The following MACROD2 variants were observed in gnomAD, a reference collection of about 807,000 sequenced individuals.
The protein encoded by MACROD2 is ADP-ribose glycohydrolase MACROD2.
MACROD2 carries 36 observed loss-of-function variants against 70.4 expected under a neutral mutation model. That is an observed-to-expected ratio of 0.51 (90% CI 0.39 to 0.68). MACROD2 has a LOEUF of 0.68. MACROD2 is among the 30% of genes least tolerant of loss of function. The probability of loss-of-function intolerance (pLI) is 0.00; values close to 1 mark genes in which losing one functional copy is unlikely to be tolerated. For synonymous variants in MACROD2, 172 were observed against 178.8 expected (o/e 0.96, Z 0.30); for missense variants, 496 against 538.4 (o/e 0.92, Z 0.78).
intron 6 of MACROD2, among the ~76,000 whole-genome samples, chr20:15,388,193 G>C (rs913812694): frequency 6.6e-6 from 1 of 152,092 alleles, no homozygotes; most frequent in Admixed American, 6.6e-5. Context: ...GCTGAAAAGG[G>C]AGAGTGGAGG....
intron 5 of MACROD2, among the ~76,000 whole-genome samples, chr20:15,194,570 A>G (rs956042836): frequency 6.6e-6 from 1 of 152,242 alleles, no homozygotes; most frequent in East Asian, 1.9e-4. Context: ...CATAACATCA[A>G]TAATATGTAT....
chr20:14,989,930 G>A (rs1300746943), intron 5 of MACROD2, among the ~76,000 whole-genome samples: 1 of 152,070 alleles, frequency 6.6e-6, no homozygotes, highest in African/African-American at 2.4e-5. Flanking sequence ...TTATTCCTAT[G>A]TCAATTTTAA....
chr20:15,560,304 G>A (rs539268178), intron 8 of MACROD2, among the ~76,000 whole-genome samples: 15 of 152,150 alleles, frequency 9.9e-5, no homozygotes, highest in African/African-American at 3.1e-4. Context: ...TACTACTCAG[G>A]TCACTCATTT....
chr20:14,859,400 G>A (rs2073290981), intron 5 of MACROD2, among the ~76,000 whole-genome samples: 1 of 152,114 alleles, frequency 6.6e-6, no homozygotes, highest in Admixed American at 6.6e-5. Context: ...TTTAATTCAT[G>A]TAAAGTGCTT....
intron 3 of MACROD2, among the ~76,000 whole-genome samples, chr20:14,459,203 G>A (rs1027404036): frequency 9.2e-5 from 14 of 151,794 alleles, no homozygotes; most frequent in Admixed American, 6.6e-4. Context: ...AAATATATTC[G>A]TTTGATGTGA....
intron 5 of MACROD2, among the ~76,000 whole-genome samples, chr20:14,887,411 TTTTG>T (rs1483324503): frequency 9.3e-5 from 12 of 128,790 alleles, no homozygotes; most frequent in African/African-American, 3.1e-4. Flanking sequence ...TTTTTTTTTT[TTTTG>T]ACTGTCTCAC....
intron 7 of MACROD2, among the ~76,000 whole-genome samples, chr20:15,437,874 A>G (rs1004730429): frequency 6.6e-6 from 1 of 152,046 alleles, no homozygotes; most frequent in Non-Finnish European, 1.5e-5. Context: ...GTGTATATGT[A>G]CCACATTTCC....
rs2052622571 is a variant in MACROD2, at chr20:13,995,519, A to C, written c.-245A>C. 1 of 579,834 alleles carries C rather than the reference A, an allele frequency of 1.7e-6. No homozygotes were observed. The allele number at this position is 579,834 out of a possible 1,614,324, so 35.9% of individuals were successfully genotyped here. On this transcript the variant is annotated 5_prime_UTR_variant, in exon 1 of 18. Transcript: ENST00000684519. This position sits in a 1 kb window ranked among gnomAD's most constrained non-coding sequence, Gnocchi z 4.3. ...TAGCGCGAGGCGTGACCTAGTTGAC[A>C]GGCTCTGAGGTGCTGCTGTGGCGGC...
At chr20:14,127,708 T>C (rs2054669813) in intron 3 of MACROD2, 1 of 387,760 alleles carries the variant, frequency 2.6e-6, no homozygotes, top group Admixed American at 3.4e-5. Context: ...CTGAACGTGA[T>C]ACAATCTACA....
At chr20:15,605,549 A>C (rs1007505227) in intron 8 of MACROD2, among the ~76,000 whole-genome samples, 1 of 151,886 alleles carries the variant, frequency 6.6e-6, no homozygotes. Context: ...TGGACCCAAA[A>C]AGCAAAACCA....
chr20:14,932,891 T>C (rs1045241525), intron 5 of MACROD2, among the ~76,000 whole-genome samples: 1 of 152,136 alleles, frequency 6.6e-6, no homozygotes, highest in Admixed American at 6.6e-5. Context: ...GAAGTTTAAG[T>C]GGCAGAGAGA....
chr20:15,384,288 C>T (rs1051782771), intron 6 of MACROD2, among the ~76,000 whole-genome samples: 8 of 148,610 alleles, frequency 5.4e-5, no homozygotes, highest in African/African-American at 2.1e-4. Context: ...GACAGAGTCT[C>T]ACTCTGTCAC....
chr20:14,466,328 G>C (rs541792392), intron 3 of MACROD2, among the ~76,000 whole-genome samples: 4 of 151,914 alleles, frequency 2.6e-5, no homozygotes, highest in Non-Finnish European at 1.5e-5. Flanking sequence ...GATTGCATTG[G>C]TTACTGAGGC....
At chr20:14,941,782 C>CT (rs11484003) in intron 5 of MACROD2, among the ~76,000 whole-genome samples, 32,500 of 148,540 alleles carry the variant, frequency 0.22, 4,228 homozygotes, top group African/African-American at 0.37. Flanking sequence ...TTCTCTCTCT[C>CT]TTTTTTTTTT....
chr20:14,940,921 G>A (rs1281854158), intron 5 of MACROD2, among the ~76,000 whole-genome samples: 1 of 145,810 alleles, frequency 6.9e-6, no homozygotes, highest in Non-Finnish European at 1.5e-5. Flanking sequence ...AAGGAGTTTG[G>A]ATATATTCCC....
intron 6 of MACROD2, among the ~76,000 whole-genome samples, chr20:15,311,238 C>A (rs369694916): frequency 6.6e-6 from 1 of 151,948 alleles, no homozygotes; most frequent in Non-Finnish European, 1.5e-5. Flanking sequence ...TTTTTAAGAA[C>A]GTGCAGAGAA....
intron 7 of MACROD2, among the ~76,000 whole-genome samples, chr20:15,484,766 G>A (rs1047856185): frequency 2.6e-5 from 4 of 152,158 alleles, no homozygotes; most frequent in African/African-American, 9.7e-5. Context: ...CTGGATGAAT[G>A]GATCCCCTTG....
chr20:16,003,072 ACCCACC>A lies in MACROD2; in HGVS notation c.1153+15916_1153+15921del, dbSNP rs1424837951. Among the ~76,000 whole-genome samples the A allele has an allele frequency of 3.6e-3, 106 of 29,774 alleles. 1 individual carries two copies. Among genetic ancestry groups the A allele is most frequent in the South Asian group, 0.033 (30 of 904 alleles). 19.5% of individuals were successfully genotyped at this position (29,774 alleles called of 152,430 possible). A position where few individuals can be genotyped will look rare whatever the true frequency, so the allele number is the denominator to read the frequency against. On this transcript the variant is annotated intron_variant, in intron 15 of 17. Coordinates refer to ENST00000684519, the MANE Select transcript of MACROD2 (RefSeq NM_001351661.2). ...CAAACAAAAACAAAATAGAAAACCC[ACCCACC>A]CACCCACACACACACACACACACAC...
intron 4 of MACROD2, among the ~76,000 whole-genome samples, chr20:14,647,764 G>C (rs1386050558): frequency 6.6e-6 from 1 of 152,104 alleles, no homozygotes; most frequent in Non-Finnish European, 1.5e-5. Flanking sequence ...TCCAGGTCTA[G>C]GGGACATGAT....
Sources: allele counts gnomAD v4.1 joint callset (sites outside exome capture counted in the v4.1 genomes callset), GRCh38; gene constraint gnomAD v4.1.1; non-coding constraint Gnocchi (gnomAD v3.1); transcripts MANE v1.5; gene names NCBI Gene and HGNC (gene_info 2026-07-23, HGNC 2026-07-21).